SSH2: variants seen among roughly 807,000 people sequenced by gnomAD.
SSH2 encodes slingshot protein phosphatase 2, also known as protein phosphatase Slingshot homolog 2.
A neutral mutation model predicts 135.2 loss-of-function variants in SSH2; 37 were observed. That is an observed-to-expected ratio of 0.27 (90% confidence interval 0.21 to 0.36). The LOEUF is 0.36. Among genes scored for constraint, SSH2 ranks in the 10% least tolerant of loss-of-function variants. The pLI, the probability that SSH2 is intolerant of heterozygous loss-of-function variation, is 1.00. For synonymous variants in SSH2, 628 were observed against 646.2 expected, an observed-to-expected ratio of 0.97 and a Z score of 0.43; for missense variants, 1,408 against 1,765.3, an observed-to-expected ratio of 0.80 and a Z score of 3.63.
chr17:29,757,224 TAGAA>T lies in SSH2; in HGVS notation c.188+36666_188+36669del, dbSNP rs569173512. On this transcript the variant is annotated intron_variant, in intron 3 of 15. Transcript: ENST00000540801. ...ACTTGAGGTTTACAGAATCAGGTCT[TAGAA>T]ATAACACTTCCCTTTAGGAAAGAGC... is the stretch of plus-strand genomic sequence containing the variant. Among the ~76,000 whole-genome samples the T allele has an allele frequency of 4.3e-3, 658 of 152,328 alleles. 4 individuals are homozygous for T. The highest frequency in any genetic ancestry group is 6.5e-3 in the Non-Finnish European group (442 of 68,028).
At chr17:29,807,981 T>C (rs1489959067) in intron 2 of SSH2, among the ~76,000 whole-genome samples, 1 of 152,092 alleles carries the variant, frequency 6.6e-6, no homozygotes, top group African/African-American at 2.4e-5. Context: ...ACACTGTGGT[T>C]GAACTGGAGA....
At chr17:29,899,446 T>G (rs2066505305) in intron 1 of SSH2, among the ~76,000 whole-genome samples, 1 of 152,116 alleles carries the variant, frequency 6.6e-6, no homozygotes, top group Non-Finnish European at 1.5e-5. Context: ...GGATACAAAA[T>G]CAATGTGCAA....
At chr17:29,840,367 C>A (rs1164840474) in intron 2 of SSH2, among the ~76,000 whole-genome samples, 1 of 152,176 alleles carries the variant, frequency 6.6e-6, no homozygotes, top group East Asian at 1.9e-4. Flanking sequence ...CAATACAAAT[C>A]CAGCACAGGA....
At chr17:29,778,663 A>T (rs1027287101) in intron 3 of SSH2, among the ~76,000 whole-genome samples, 9 of 149,014 alleles carry the variant, frequency 6.0e-5, no homozygotes, top group Non-Finnish European at 8.9e-5. Flanking sequence ...AATAAATAAA[A>T]ATAAATAAAT....
chr17:29,799,531 G>A (rs1236551271), intron 2 of SSH2, among the ~76,000 whole-genome samples: 2 of 152,298 alleles, frequency 1.3e-5, no homozygotes, highest in East Asian at 3.9e-4. Context: ...TAATGAGGTT[G>A]GGCATCCTTT....
intron 1 of SSH2, among the ~76,000 whole-genome samples, chr17:29,919,824 G>T (rs886914692): frequency 4.6e-5 from 7 of 151,894 alleles, no homozygotes; most frequent in African/African-American, 1.5e-4. Context: ...GCTTCAAAAG[G>T]CTAGGCACTG....
chr17:29,655,653 C>G, intron 11 of SSH2, 46 bp from the exon 12 acceptor site: 1 of 1,538,554 alleles, frequency 6.5e-7, no homozygotes, highest in Non-Finnish European at 9.0e-7. Context: ...GCAAATCAAC[C>G]AAACAATACT....
Position 29,631,085 on chromosome 17 carries a change from A to G in SSH2, c.4109T>C (p.Leu1370Pro), listed in dbSNP as rs1754978021. 2.5e-6 allele frequency: 4 copies of G among 1,614,214 alleles called. No individual in the cohort carries two copies. The highest frequency in any genetic ancestry group is 2.7e-5 in the African/African-American group (2 of 75,052). Reference sequence around the variant, plus strand: ...ACCAAATTCTTTGGCATACTGCACAAGGGGCCTCTCCACTGGCTTGCTCTG... The same window carrying G: ...ACCAAATTCTTTGGCATACTGCACAGGGGGCCTCTCCACTGGCTTGCTCTG... ...IVQSKPVERP[L>P]VQYAKEFGSS... The change falls in exon 16 of 16, where the codon CTT becomes CCT. Residue 1370 changes from leucine (L) to proline (P), a missense_variant. Leu to Pro is a moderately conservative substitution (Grantham distance 98). Coordinates refer to ENST00000540801, the MANE Select transcript of SSH2 (RefSeq NM_001282129.2).
intron 11 of SSH2, among the ~76,000 whole-genome samples, chr17:29,656,600 A>C (rs574271997): frequency 1.3e-5 from 2 of 152,332 alleles, no homozygotes; most frequent in South Asian, 2.1e-4. Context: ...TTATATGTAA[A>C]ATTTTAAGAT....
chr17:29,807,767 T>G (rs950475814), intron 2 of SSH2, among the ~76,000 whole-genome samples: 2 of 151,500 alleles, frequency 1.3e-5, no homozygotes, highest in Non-Finnish European at 2.9e-5. Context: ...AACCTGATCC[T>G]ATGAGGTAGC....
At chr17:29,640,081 T>G (rs576443587) in intron 14 of SSH2, among the ~76,000 whole-genome samples, 2 of 150,582 alleles carry the variant, frequency 1.3e-5, no homozygotes, top group South Asian at 4.2e-4. Flanking sequence ...ATGTTTTTTT[T>G]TTGTTTTTTT....
chr17:29,830,193 A>T (rs938012589), intron 2 of SSH2, among the ~76,000 whole-genome samples: 1 of 152,106 alleles, frequency 6.6e-6, no homozygotes, highest in Admixed American at 6.5e-5. Flanking sequence ...CCTTTTGCTG[A>T]CTTTATCAGC....
intron 3 of SSH2, among the ~76,000 whole-genome samples, chr17:29,740,130 G>A (rs1019997746): frequency 1.3e-5 from 2 of 152,162 alleles, no homozygotes; most frequent in African/African-American, 2.4e-5. Flanking sequence ...CTGACAGTAG[G>A]TGGACAGGCC....
At chr17:29,637,340 A>G (rs892313801) in intron 14 of SSH2, among the ~76,000 whole-genome samples, 2 of 152,110 alleles carry the variant, frequency 1.3e-5, no homozygotes, top group Non-Finnish European at 2.9e-5. Flanking sequence ...CTCGAGTGAT[A>G]TGCCCACATT....
At chr17:29,744,801 A>G (rs1482378044) in intron 3 of SSH2, among the ~76,000 whole-genome samples, 1 of 152,046 alleles carries the variant, frequency 6.6e-6, no homozygotes, top group East Asian at 1.9e-4. Flanking sequence ...TGTAATAATA[A>G]TATCTAAAGC....
chr17:29,803,877 T>C (rs767479467), intron 2 of SSH2, among the ~76,000 whole-genome samples: 3 of 152,116 alleles, frequency 2.0e-5, no homozygotes, highest in Non-Finnish European at 4.4e-5. Context: ...GTTCTCTTTA[T>C]TGGGAGGCTA....
chr17:29,643,000 G>A (rs564674153), intron 14 of SSH2: 1 of 484,622 alleles, frequency 2.1e-6, no homozygotes, highest in South Asian at 8.9e-5. Flanking sequence ...CAGGCCTCTT[G>A]GGATAAAATA....
chr17:29,655,183 A>G (rs917683909), intron 12 of SSH2, among the ~76,000 whole-genome samples: 3 of 151,862 alleles, frequency 2.0e-5, no homozygotes, highest in Admixed American at 6.6e-5. Context: ...GGCTCACTGC[A>G]AGCTCCGCCT....
At chr17:29,730,160 A>C (rs2040130954) in intron 3 of SSH2, among the ~76,000 whole-genome samples, 1 of 151,776 alleles carries the variant, frequency 6.6e-6, no homozygotes, top group East Asian at 1.9e-4. Context: ...ATCTCTACTA[A>C]AAATACAAAA....
Sources: gnomAD v4.1 joint callset for allele counts (sites outside exome capture counted in the v4.1 genomes callset) on GRCh38, gnomAD v4.1.1 for gene constraint, MANE v1.5 for transcripts, NCBI Gene and HGNC (gene_info 2026-07-23, HGNC 2026-07-21) for gene names.